HMBOX1: variants seen among roughly 807,000 people sequenced by gnomAD.
The protein encoded by HMBOX1 is homeobox-containing protein 1.
Under a neutral mutation model 54.5 loss-of-function variants are expected in HMBOX1, and 14 were observed. The observed-to-expected ratio is 0.26, with a 90% CI of 0.17 to 0.40. The LOEUF is 0.40. Among genes scored for constraint, HMBOX1 ranks in the 10% least tolerant of loss-of-function variants. The pLI, the probability that HMBOX1 is intolerant of heterozygous loss-of-function variation, is 1.00. For synonymous variants in HMBOX1, 160 were observed against 181.0 expected (o/e 0.88, Z 0.93); for missense variants, 332 against 514.4 (o/e 0.65, Z 3.43).
intron 1 of HMBOX1, among the ~76,000 whole-genome samples, chr8:28,913,739 A>G (rs537485805): frequency 1.4e-4 from 21 of 151,202 alleles, no homozygotes; most frequent in African/African-American, 5.1e-4. Flanking sequence ...AGATCCTTTG[A>G]TCTGTTTTAT....
chr8:28,953,814 A>T (rs920189123), intron 1 of HMBOX1, among the ~76,000 whole-genome samples: 13 of 152,178 alleles, frequency 8.5e-5, no homozygotes, highest in African/African-American at 2.4e-4. Context: ...GCGTTCATTA[A>T]CTGTCTCCTC....
intron 4 of HMBOX1, among the ~76,000 whole-genome samples, chr8:29,004,423 G>A (rs1045609370): frequency 3.3e-5 from 5 of 152,124 alleles, no homozygotes; most frequent in African/African-American, 1.2e-4. Context: ...CACTCCTCAG[G>A]AAGTGGAAGG....
chr8:28,920,381 A>G (rs953826694), intron 1 of HMBOX1, among the ~76,000 whole-genome samples: 32 of 152,248 alleles, frequency 2.1e-4, no homozygotes, highest in African/African-American at 7.2e-4. Flanking sequence ...CTTATAAATT[A>G]AAACCCTAGG....
chr8:29,029,083 T>A (rs892181205), intron 6 of HMBOX1, among the ~76,000 whole-genome samples: 1 of 152,200 alleles, frequency 6.6e-6, no homozygotes, highest in Non-Finnish European at 1.5e-5. Flanking sequence ...CTAGTAGGAT[T>A]TTCCGCCTAT....
At chr8:28,892,079 C>A (rs750555678) in intron 1 of HMBOX1, among the ~76,000 whole-genome samples, 2 of 152,052 alleles carry the variant, frequency 1.3e-5, no homozygotes, top group Admixed American at 1.3e-4. Context: ...ATAATACCGC[C>A]TGTGTCTTTT....
chr8:28,903,004 T>C (rs1813531209), intron 1 of HMBOX1, among the ~76,000 whole-genome samples: 2 of 152,218 alleles, frequency 1.3e-5, no homozygotes, highest in Non-Finnish European at 2.9e-5. Flanking sequence ...TTTAACAATA[T>C]ATAATGGTGT....
At chr8:28,920,093 T>C (rs1387778314) in intron 1 of HMBOX1, among the ~76,000 whole-genome samples, 1 of 152,174 alleles carries the variant, frequency 6.6e-6, no homozygotes, top group Non-Finnish European at 1.5e-5. Context: ...AGCATTTTTT[T>C]CTACACTTCT....
chr8:28,899,744 C>A (rs1346990858), intron 1 of HMBOX1, among the ~76,000 whole-genome samples: 1 of 152,144 alleles, frequency 6.6e-6, no homozygotes, highest in Non-Finnish European at 1.5e-5. Context: ...ATATCCAAGT[C>A]TTTATTATAT....
chr8:28,973,147 TAAC>T (rs1192582206), intron 3 of HMBOX1, among the ~76,000 whole-genome samples: 4 of 152,192 alleles, frequency 2.6e-5, no homozygotes, highest in South Asian at 4.1e-4. Flanking sequence ...TTGTAGATAA[TAAC>T]AATCCTTGGA....
At chr8:28,895,087 T>C (rs1811842555) in intron 1 of HMBOX1, among the ~76,000 whole-genome samples, 1 of 152,208 alleles carries the variant, frequency 6.6e-6, no homozygotes, top group Non-Finnish European at 1.5e-5. Context: ...GCACTTAGGT[T>C]TTTCTTAAAT....
intron 6 of HMBOX1, among the ~76,000 whole-genome samples, chr8:29,025,200 A>G (rs1801840987): frequency 1.3e-5 from 2 of 152,226 alleles, no homozygotes; most frequent in African/African-American, 4.8e-5. Context: ...AATCTAACCT[A>G]GTCACACATT....
At chr8:28,917,583 T>C (rs1816792590) in intron 1 of HMBOX1, among the ~76,000 whole-genome samples, 1 of 152,144 alleles carries the variant, frequency 6.6e-6, no homozygotes, top group Non-Finnish European at 1.5e-5. Context: ...TTTGGTATGA[T>C]ACTGAATAGT....
At chr8:29,000,204 G>A (rs1019800708) in intron 4 of HMBOX1, among the ~76,000 whole-genome samples, 5 of 152,158 alleles carry the variant, frequency 3.3e-5, no homozygotes, top group African/African-American at 9.7e-5. Context: ...AAGTCTCCCA[G>A]CTTTTGTCAA....
Position 28,970,670 on chromosome 8 carries a change from TGAAA to T in HMBOX1, c.500+161_500+164del, listed in dbSNP as rs1178606912. 12 of 543,414 alleles carry T rather than the reference TGAAA, an allele frequency of 2.2e-5. No individual in the cohort carries two copies. The East Asian group carries it at 2.3e-4, about 10-fold the overall frequency. The allele number at this position is 543,414 out of a possible 1,614,324, so 33.7% of individuals were successfully genotyped here. On this transcript the variant is annotated intron_variant, in intron 3 of 9. Transcript: ENST00000287701. The surrounding 1 kb of genome is among the most constrained non-coding windows in gnomAD (Gnocchi z 4.3). The stretch of plus-strand genomic sequence containing the variant: ...AACTTCCTCCTCCCACCTTTGGAGA[TGAAA>T]GAAAGAAAGTTCAAGCTTTATGTTT...
intron 6 of HMBOX1, among the ~76,000 whole-genome samples, chr8:29,031,418 G>A (rs1802940397): frequency 1.3e-5 from 2 of 151,448 alleles, no homozygotes; most frequent in South Asian, 2.1e-4. Flanking sequence ...AGCAAAAGAA[G>A]AAACAGTATA....
Position 29,051,688 on chromosome 8 carries a change from C to A in HMBOX1, c.*533C>A. Reference sequence around the variant, plus strand: ...GATTTCCAGCTGCAATAAGCCGTGCCTCATTATAGCCACACTGTGGCTAGA... The same window carrying A: ...GATTTCCAGCTGCAATAAGCCGTGCATCATTATAGCCACACTGTGGCTAGA... On this transcript the variant is annotated 3_prime_UTR_variant, in exon 10 of 10. Transcript: ENST00000287701. 1.4e-6 allele frequency: 1 copy of A among 695,416 alleles called. No homozygotes were observed. The highest frequency in any genetic ancestry group is 1.5e-5 in the South Asian group (1 of 67,208). 43.1% of individuals were successfully genotyped at this position (695,416 alleles called of 1,614,324 possible).
chr8:29,034,491 C>G (rs1803519078), intron 6 of HMBOX1, among the ~76,000 whole-genome samples: 1 of 152,194 alleles, frequency 6.6e-6, no homozygotes, highest in African/African-American at 2.4e-5. Flanking sequence ...AGATAACTTT[C>G]CAGCTCTGTC....
intron 1 of HMBOX1, among the ~76,000 whole-genome samples, chr8:28,954,729 C>G (rs1161807924): frequency 6.6e-6 from 1 of 152,044 alleles, no homozygotes; most frequent in Non-Finnish European, 1.5e-5. Context: ...TAGTGTTTTA[C>G]CCTAATGATG....
At chr8:29,021,246 G>T (rs1801099909) in intron 6 of HMBOX1, among the ~76,000 whole-genome samples, 1 of 152,064 alleles carries the variant, frequency 6.6e-6, no homozygotes, top group Non-Finnish European at 1.5e-5. Context: ...AATTTCAAAT[G>T]AGTCAAAGAA....
Sources: gnomAD v4.1 joint callset for allele counts (sites outside exome capture counted in the v4.1 genomes callset) on GRCh38, gnomAD v4.1.1 for gene constraint, Gnocchi (gnomAD v3.1) non-coding constraint, MANE v1.5 for transcripts, NCBI Gene and HGNC (gene_info 2026-07-23, HGNC 2026-07-21) for gene names.